The following MARCHF1 variants were observed in gnomAD, a reference collection of about 807,000 sequenced individuals.
MARCHF1 encodes the protein E3 ubiquitin-protein ligase MARCHF1.
In MARCHF1, 40 loss-of-function variants were observed where a neutral mutation model predicts 54.2. The ratio of observed to expected loss-of-function variants is 0.74; its 90% CI spans 0.57 to 0.96. The LOEUF (loss-of-function observed/expected upper bound fraction) is 0.96, where lower values mean the gene tolerates loss of function less well. MARCHF1 is among the 40% of genes least tolerant of loss of function. MARCHF1 has a pLI of 0.00. For synonymous variants in MARCHF1, 236 were observed against 236.3 expected, an observed-to-expected ratio of 1.00 and a Z score of 0.01; for missense variants, 586 against 656.5, an observed-to-expected ratio of 0.89 and a Z score of 1.17.
At position 163,570,175 on chromosome 4, in the gene MARCHF1, T is replaced by A. The variant is rs191022512; in HGVS notation, c.1191+15574A>T. On this transcript the variant is annotated intron_variant, in intron 8 of 9. Transcript: ENST00000514618. ...TCAATGCATTGAACCCCCACAATCA[T>A]CTAGTGCCTGAGAAATAGTGAGAAA... Among the ~76,000 whole-genome samples, 132 of 152,176 alleles carry A rather than the reference T, an allele frequency of 8.7e-4. 2 individuals carry two copies. Among genetic ancestry groups the A allele is most frequent in the African/African-American group, 3.0e-3 (124 of 41,522 alleles).
chr4:163,754,567 T>C (rs10517785), intron 4 of MARCHF1, among the ~76,000 whole-genome samples: 3,703 of 152,294 alleles, frequency 0.024, 148 homozygotes, highest in African/African-American at 0.083. Flanking sequence ...TTACTCAGAT[T>C]ACTGGTTGCA....
chr4:164,183,952 A>C (rs1024998330), intron 1 of MARCHF1, among the ~76,000 whole-genome samples: 1 of 152,216 alleles, frequency 6.6e-6, no homozygotes, highest in African/African-American at 2.4e-5. Flanking sequence ...GAAGCAGAGG[A>C]AAGAGGCAAG....
intron 1 of MARCHF1, among the ~76,000 whole-genome samples, chr4:164,229,097 C>T (rs111998697): frequency 0.027 from 4,148 of 152,272 alleles, 68 homozygotes; most frequent in Middle Eastern, 0.068. Context: ...AAAGCTGTCA[C>T]TACATGGCAG....
At chr4:163,902,120 A>G (rs1471898947) in intron 3 of MARCHF1, among the ~76,000 whole-genome samples, 3 of 152,192 alleles carry the variant, frequency 2.0e-5, no homozygotes, top group African/African-American at 7.2e-5. Flanking sequence ...TATCAGAAGC[A>G]CTGTTAGAGA....
chr4:163,545,573 TAAG>T lies in MARCHF1; in HGVS notation c.1339+20_1339+22del. 1 of 1,605,404 alleles carries T rather than the reference TAAG, an allele frequency of 6.2e-7. No homozygotes were observed. Among genetic ancestry groups the T allele is most frequent in the South Asian group, 1.1e-5 (1 of 89,626 alleles). On this transcript the variant is annotated intron_variant, in intron 9 of 9. Transcript: ENST00000514618. The stretch of plus-strand genomic sequence containing the variant: ...GTATTGTCTTTAGGATCCAAGAGGG[TAAG>T]AAGAAAGATGTGCTCTTACCATTGT...
At chr4:164,272,872 G>GA (rs1309845986) in intron 1 of MARCHF1, among the ~76,000 whole-genome samples, 1 of 151,710 alleles carries the variant, frequency 6.6e-6, no homozygotes, top group Non-Finnish European at 1.5e-5. Context: ...AAGAAATAGA[G>GA]AAAAAATTAT....
intron 5 of MARCHF1, among the ~76,000 whole-genome samples, chr4:163,683,510 C>G (rs1744173396): frequency 6.6e-6 from 1 of 151,948 alleles, no homozygotes. Context: ...TAGACTGTCT[C>G]TCATCTAAAA....
chr4:164,203,375 G>A (rs1427038533), intron 1 of MARCHF1, among the ~76,000 whole-genome samples: 1 of 152,100 alleles, frequency 6.6e-6, no homozygotes, highest in Non-Finnish European at 1.5e-5. Context: ...CTATTGTGGA[G>A]GATTGGTAAA....
intron 1 of MARCHF1, among the ~76,000 whole-genome samples, chr4:164,346,797 AT>A (rs1730118585): frequency 6.6e-6 from 1 of 151,746 alleles, no homozygotes; most frequent in African/African-American, 2.4e-5. Flanking sequence ...TACAGTTATA[AT>A]TTTTTGAATG....
intron 1 of MARCHF1, among the ~76,000 whole-genome samples, chr4:164,379,150 G>T (rs963079272): frequency 2.6e-5 from 4 of 152,032 alleles, no homozygotes; most frequent in Non-Finnish European, 4.4e-5. Flanking sequence ...AGTCATAGAA[G>T]AAAAGATGGA....
chr4:163,947,083 C>T (rs1259117739), intron 3 of MARCHF1, among the ~76,000 whole-genome samples: 1 of 152,068 alleles, frequency 6.6e-6, no homozygotes, highest in African/African-American at 2.4e-5. Context: ...ATTTTTGACT[C>T]AGCAAGTGTA....
intron 1 of MARCHF1, among the ~76,000 whole-genome samples, chr4:164,204,956 T>C (rs1156305528): frequency 6.6e-6 from 1 of 152,232 alleles, no homozygotes; most frequent in Non-Finnish European, 1.5e-5. Context: ...TCTTTTAGTA[T>C]AAACAGTTAA....
chr4:163,799,201 T>G (rs902959522), intron 4 of MARCHF1, among the ~76,000 whole-genome samples: 1 of 152,130 alleles, frequency 6.6e-6, no homozygotes, highest in Non-Finnish European at 1.5e-5. Context: ...CAGCTCCCTA[T>G]CTGGATAGTG....
chr4:163,832,346 A>G (rs1749050947), intron 4 of MARCHF1, among the ~76,000 whole-genome samples: 1 of 152,162 alleles, frequency 6.6e-6, no homozygotes, highest in African/African-American at 2.4e-5. Context: ...CCCTTAATAA[A>G]TCCCTTCATT....
intron 8 of MARCHF1, among the ~76,000 whole-genome samples, chr4:163,583,393 A>C (rs1451069965): frequency 6.6e-6 from 1 of 152,198 alleles, no homozygotes; most frequent in African/African-American, 2.4e-5. Flanking sequence ...GGTGCTGGGG[A>C]AGCAACCTCT....
intron 1 of MARCHF1, among the ~76,000 whole-genome samples, chr4:164,356,747 A>G (rs1325808619): frequency 2.8e-5 from 4 of 144,766 alleles, no homozygotes; most frequent in African/African-American, 7.6e-5. Flanking sequence ...CATGTACCCT[A>G]AAACTTAAAG....
chr4:163,698,486 G>C (rs1473999794), intron 5 of MARCHF1, among the ~76,000 whole-genome samples: 3 of 152,108 alleles, frequency 2.0e-5, no homozygotes, highest in African/African-American at 7.2e-5. Flanking sequence ...TCCTATCACT[G>C]GTTGATGGTT....
chr4:164,047,262 TTCAAGAAAAAAGGCAC>T (rs1346748642), intron 2 of MARCHF1, among the ~76,000 whole-genome samples: 1 of 151,766 alleles, frequency 6.6e-6, no homozygotes, highest in African/African-American at 2.4e-5. Flanking sequence ...AAAAAGGCAC[TTCAAGAAAAAAGGCAC>T]TTCAGTCTTA....
chr4:163,855,692 T>C (rs569692589), intron 3 of MARCHF1, among the ~76,000 whole-genome samples: 2 of 152,306 alleles, frequency 1.3e-5, no homozygotes, highest in South Asian at 4.1e-4. Context: ...ATCACTTTAG[T>C]ACTTATAATA....
Sources: gnomAD v4.1 joint callset for allele counts (sites outside exome capture counted in the v4.1 genomes callset) on GRCh38, gnomAD v4.1.1 for gene constraint, MANE v1.5 for transcripts, NCBI Gene and HGNC (gene_info 2026-07-23, HGNC 2026-07-21) for gene names.